The following ATP2B1 variants were observed in gnomAD, a reference collection of about 807,000 sequenced individuals.
The protein encoded by ATP2B1 is plasma membrane calcium-transporting ATPase 1.
Under a neutral mutation model 124.2 loss-of-function variants are expected in ATP2B1, and 14 were observed. The ratio of observed to expected loss-of-function variants is 0.11; its 90% CI spans 0.07 to 0.18. The LOEUF (loss-of-function observed/expected upper bound fraction) is 0.18, where lower values mean the gene tolerates loss of function less well. Among genes scored for constraint, ATP2B1 ranks in the 10% least tolerant of loss-of-function variants. ATP2B1 has a pLI of 1.00. For missense variants in ATP2B1, 763 were observed against 1,466.1 expected, an observed-to-expected ratio of 0.52 and a Z score of 7.83; for synonymous variants, 449 against 492.4, an observed-to-expected ratio of 0.91 and a Z score of 1.17.
chr12:89,686,345 T>C (rs1335298485), intron 1 of ATP2B1, among the ~76,000 whole-genome samples: 2 of 152,130 alleles, frequency 1.3e-5, no homozygotes, highest in African/African-American at 4.8e-5. Context: ...TGATTTACTC[T>C]TTACCCTAAG....
At chr12:89,616,239 GA>G (rs1410255992) in intron 12 of ATP2B1, among the ~76,000 whole-genome samples, 1 of 151,826 alleles carries the variant, frequency 6.6e-6, no homozygotes, top group Non-Finnish European at 1.5e-5. Flanking sequence ...TAAAAAAGGT[GA>G]AAAACCAAAT....
At chr12:89,657,652 C>G (rs772475583) in intron 1 of ATP2B1, among the ~76,000 whole-genome samples, 10 of 152,210 alleles carry the variant, frequency 6.6e-5, no homozygotes, top group Non-Finnish European at 1.5e-4. Context: ...CCCAGAGAAT[C>G]AGTTAGATTG....
At chr12:89,605,821 TGCAGATTAAA>T (rs1876730713) in intron 15 of ATP2B1, among the ~76,000 whole-genome samples, 1 of 152,022 alleles carries the variant, frequency 6.6e-6, no homozygotes, top group East Asian at 1.9e-4. Context: ...AAACAGCGAG[TGCAGATTAAA>T]GCATGTTGAA....
chr12:89,591,409 TG>T, intron 20 of ATP2B1, 114 bp from the exon 21 acceptor site: 10 of 886,826 alleles, frequency 1.1e-5, no homozygotes, highest in African/African-American at 3.4e-5. Flanking sequence ...CATATTTGCA[TG>T]TAATGCAGTG....
chr12:89,626,550 C>A lies in ATP2B1; in HGVS notation c.1033G>T (p.Asp345Tyr). 1 of 1,613,660 alleles carries A rather than the reference C, an allele frequency of 6.2e-7. No individual in the cohort carries two copies. The highest frequency in any genetic ancestry group is 8.5e-7 in the Non-Finnish European group (1 of 1,179,904). The change falls in exon 8 of 21, where the codon GAT (aspartate) becomes TAT (tyrosine). Residue 345 changes from aspartate (D) to tyrosine (Y), a missense_variant. Physicochemically the swap from Asp to Tyr is radical, Grantham distance 160. This residue lies in a region of ATP2B1 where 392 missense variants were observed against 776.6 expected (regional missense o/e 0.50). Coordinates refer to ENST00000428670, the MANE Select transcript of ATP2B1 (RefSeq NM_001366521.1). ...TTTGCTTTCTTTTTATCTTTTTCAT[C>A]ACCATCTCCACCTTCTTCACTCTTC... ...PLKSEEGGDG[D>Y]EKDKKKANLP...
intron 20 of ATP2B1, among the ~76,000 whole-genome samples, chr12:89,595,695 G>A (rs966058555): frequency 5.9e-5 from 9 of 152,024 alleles, no homozygotes; most frequent in African/African-American, 2.2e-4. Flanking sequence ...TTTGGCTGAT[G>A]TTCTGTACCA....
intron 12 of ATP2B1, among the ~76,000 whole-genome samples, chr12:89,615,979 T>C (rs1372809615): frequency 6.6e-6 from 1 of 152,174 alleles, no homozygotes; most frequent in East Asian, 1.9e-4. Flanking sequence ...ATGGCTTAAG[T>C]ATATGGCACA....
At chr12:89,605,321 T>C (rs1272624430) in intron 15 of ATP2B1, among the ~76,000 whole-genome samples, 4 of 152,178 alleles carry the variant, frequency 2.6e-5, no homozygotes, top group Non-Finnish European at 4.4e-5. Context: ...ATCAACCAAG[T>C]GCAGACATGG....
rs1565799020 is a variant in ATP2B1 at position 89,599,123 on chromosome 12, T to C, written c.3345A>G (p.Gln1115=). ...CTCTCTACCAGGCCCATACCTGTGT[T>C]TGGATTCTGTTCAGACCTCTAAACC... ...ILWFRGLNRI[Q]TQIRVVNAFR... Residue 1115 remains glutamine, a synonymous_variant, in exon 20 of 21, where the codon CAA becomes CAG. Transcript: ENST00000428670. 2 of 1,613,804 alleles carry C rather than the reference T, an allele frequency of 1.2e-6. No individual in the cohort carries two copies. The highest frequency in any genetic ancestry group is 1.7e-5 in the Admixed American group (1 of 59,980).
intron 1 of ATP2B1, among the ~76,000 whole-genome samples, chr12:89,669,479 C>T (rs1213870812): frequency 1.3e-5 from 2 of 152,140 alleles, no homozygotes; most frequent in Non-Finnish European, 2.9e-5. Flanking sequence ...TCTTAGATTT[C>T]CTCCCAGCAC....
intron 9 of ATP2B1, among the ~76,000 whole-genome samples, chr12:89,623,319 GA>G (rs34283923): frequency 5.9e-5 from 8 of 134,926 alleles, no homozygotes; most frequent in Admixed American, 7.4e-5. Flanking sequence ...AGATCATTTT[GA>G]AAAAAAAAAA....
At chr12:89,673,688 T>C (rs1345667435) in intron 1 of ATP2B1, among the ~76,000 whole-genome samples, 1 of 152,202 alleles carries the variant, frequency 6.6e-6, no homozygotes, top group African/African-American at 2.4e-5. Context: ...TTCTTTACTA[T>C]GCCAAATTTT....
Position 89,603,702 on chromosome 12 carries a change from G to A in ATP2B1, c.2848+10C>T. Reference sequence around the variant, plus strand: ...ATTAACTGAAGCTTTATTAGACACTGAATTCTTACCAGCAAATAAGAGTGT... The same window carrying A: ...ATTAACTGAAGCTTTATTAGACACTAAATTCTTACCAGCAAATAAGAGTGT... On this transcript the variant is annotated intron_variant, in intron 17 of 20. Transcript: ENST00000428670. This position sits in a 1 kb window ranked among gnomAD's most constrained non-coding sequence, Gnocchi z 4.3. 6.2e-7 allele frequency: 1 copy of A among 1,606,234 alleles called. No individual in the cohort carries two copies. The highest frequency in any genetic ancestry group is 8.5e-7 in the Non-Finnish European group (1 of 1,172,968).
At chr12:89,652,025 A>G (rs1481073709) in intron 2 of ATP2B1, among the ~76,000 whole-genome samples, 1 of 152,204 alleles carries the variant, frequency 6.6e-6, no homozygotes, top group Admixed American at 6.5e-5. Flanking sequence ...TACTTGACAG[A>G]AATCCAATAT....
In ATP2B1 at chr12:89,601,395, A is replaced by G; in HGVS notation, c.3099T>C (p.Cys1033=). 6.3e-7 allele frequency: 1 copy of G among 1,577,308 alleles called. No individual in the cohort carries two copies. The change falls in exon 19 of 21, where the codon TGT becomes TGC. Residue 1033 remains cysteine (C), a synonymous_variant. Coordinates refer to ENST00000428670, the MANE Select transcript of ATP2B1 (RefSeq NM_001366521.1). ...GCCACTGTTCTATTGAAAGTTCTGA[A>G]CAACTGAAAGGTTTTCCACCAAACT... ...IVQFGGKPFS[C]SELSIEQWLW...
intron 2 of ATP2B1, among the ~76,000 whole-genome samples, chr12:89,651,535 T>G (rs542887843): frequency 2.0e-5 from 3 of 152,128 alleles, no homozygotes; most frequent in Non-Finnish European, 4.4e-5. Flanking sequence ...CCCAAAATGC[T>G]AGGATTACAG....
At chr12:89,689,044 G>A (rs980985508) in intron 1 of ATP2B1, among the ~76,000 whole-genome samples, 2 of 151,978 alleles carry the variant, frequency 1.3e-5, no homozygotes, top group East Asian at 3.9e-4. Context: ...CACATTCACT[G>A]ACTTCAGTGA....
rs1205959647 is a variant in ATP2B1 at position 89,591,059 on chromosome 12, A to C, written c.3588T>G (p.Leu1196=). 6.2e-7 allele frequency: 1 copy of C among 1,613,256 alleles called. No individual in the cohort carries two copies. Among genetic ancestry groups the C allele is most frequent in the Non-Finnish European group, 8.5e-7 (1 of 1,179,390 alleles). The change falls in exon 21 of 21, where the codon CTT becomes CTG. Residue 1196 remains leucine (L), a synonymous_variant. Coordinates refer to ENST00000428670, the MANE Select transcript of ATP2B1 (RefSeq NM_001366521.1). ...NNNAVDSGIH[L]TIEMNKSATS... Reference sequence around the variant, plus strand: ...TAGCAGACTTGTTCATTTCTATTGTAAGGTGAATTCCACTGTCAACAGCAT... The same window carrying C: ...TAGCAGACTTGTTCATTTCTATTGTCAGGTGAATTCCACTGTCAACAGCAT...
rs766807607 is a variant in ATP2B1 at position 89,626,633 on chromosome 12, T to C, written c.968-18A>G. 56 of 1,577,624 alleles carry C rather than the reference T, an allele frequency of 3.5e-5. No homozygotes were observed. Among genetic ancestry groups the C allele is most frequent in the African/African-American group, 1.4e-4 (10 of 72,710 alleles). On this transcript the variant is annotated intron_variant, in intron 7 of 20. Transcript: ENST00000428670. The stretch of plus-strand genomic sequence containing the variant: ...GGCTTTTGCTACATTTAAGAGCAAA[T>C]AGAACTTCACTATACTTTAAAGGCA...
Sources: allele counts gnomAD v4.1 joint callset (sites outside exome capture counted in the v4.1 genomes callset), GRCh38; gene constraint gnomAD v4.1.1; regional missense constraint gnomAD v4.1.1; non-coding constraint Gnocchi (gnomAD v3.1); transcripts MANE v1.5; gene names NCBI Gene and HGNC (gene_info 2026-07-23, HGNC 2026-07-21).